The following LRP6 variants were observed in gnomAD, a reference collection of about 807,000 sequenced individuals.
LRP6 encodes LDL receptor related protein 6.
In LRP6, 43 loss-of-function variants were observed where a neutral mutation model predicts 184.1. The observed-to-expected ratio is 0.23, with a 90% confidence interval of 0.18 to 0.30. The LOEUF (loss-of-function observed/expected upper bound fraction) is 0.30, where lower values mean the gene tolerates loss of function less well. Ranked by LOEUF, LRP6 falls within the 10% of genes least tolerant of loss-of-function variation. LRP6 has a pLI of 1.00. For synonymous variants in LRP6, 719 were observed against 684.9 expected, an observed-to-expected ratio of 1.05 and a Z score of -0.78; for missense variants, 1,571 against 2,005.3, an observed-to-expected ratio of 0.78 and a Z score of 4.14.
intron 2 of LRP6, among the ~76,000 whole-genome samples, chr12:12,204,227 CGA>C (rs1863988900): frequency 7.2e-6 from 1 of 138,904 alleles, no homozygotes; most frequent in Non-Finnish European, 1.5e-5. Flanking sequence ...TGATTCAAGT[CGA>C]GAGACACTAC....
At chr12:12,124,877 A>G (rs1949652294) in intron 21 of LRP6, among the ~76,000 whole-genome samples, 5 of 152,210 alleles carry the variant, frequency 3.3e-5, no homozygotes. Flanking sequence ...CAAAGTGACA[A>G]AAACGAAAAT....
chr12:12,226,442 A>G (rs61274130), intron 2 of LRP6, among the ~76,000 whole-genome samples: 1 of 152,366 alleles, frequency 6.6e-6, no homozygotes, highest in East Asian at 1.9e-4. Context: ...ACGGGAAAAA[A>G]CAGACAACAT....
intron 15 of LRP6, among the ~76,000 whole-genome samples, chr12:12,140,486 C>A (rs1450612652): frequency 6.6e-6 from 1 of 151,760 alleles, no homozygotes; most frequent in Non-Finnish European, 1.5e-5. Flanking sequence ...AGAAACAACA[C>A]AAGAAAACAT....
chr12:12,131,877 A>T lies in LRP6; in HGVS notation c.3914T>A (p.Leu1305His), dbSNP rs2136865414. ...CASGQCIDGA[L>H]RCNGDANCQD... Reference sequence around the variant, plus strand: ...GCAGTTTGCATCTCCATTGCATCGGAGGGCACCATCAATACACTGCCCACT... The same window carrying T: ...GCAGTTTGCATCTCCATTGCATCGGTGGGCACCATCAATACACTGCCCACT... The change falls in exon 18 of 23, where the codon CTC (leucine) becomes CAC (histidine). Residue 1305 changes from leucine (L) to histidine (H), a missense_variant. Coordinates refer to ENST00000261349, the MANE Select transcript of LRP6 (RefSeq NM_002336.3). The T allele has an allele frequency of 6.2e-7, 1 of 1,614,208 alleles. No homozygotes were observed. The highest frequency in any genetic ancestry group is 1.6e-4 in the Middle Eastern group (1 of 6,062).
intron 8 of LRP6, 122 bp downstream of exon 8, chr12:12,164,952 AAAAGG>A: frequency 1.8e-6 from 1 of 556,890 alleles, no homozygotes; most frequent in Non-Finnish European, 3.1e-6. Flanking sequence ...AAAAAAAAAA[AAAAGG>A]CGGGGGGGCA....
chr12:12,190,041 C>T (rs1367152257), intron 3 of LRP6, among the ~76,000 whole-genome samples: 7 of 152,162 alleles, frequency 4.6e-5, no homozygotes, highest in Non-Finnish European at 1.5e-5. Context: ...TTACTAAACA[C>T]TCTGGGGATG....
At chr12:12,163,694 T>G (rs754861095) in intron 9 of LRP6, among the ~76,000 whole-genome samples, 2 of 152,196 alleles carry the variant, frequency 1.3e-5, no homozygotes, top group Admixed American at 6.5e-5. Flanking sequence ...CTTACTCAGC[T>G]AATTGCAGAA....
At position 12,121,266 on chromosome 12, in the gene LRP6, G is replaced by A. The variant is rs1949601103; in HGVS notation, c.4702C>T (p.Pro1568Ser). 2 of 1,614,064 alleles carry A rather than the reference G, an allele frequency of 1.2e-6. No homozygotes were observed. Among genetic ancestry groups the A allele is most frequent in the Non-Finnish European group, 1.7e-6 (2 of 1,180,018 alleles). ...TGGCTTCGGGGTGTGGGAGGTGGGG[G>A]CACAGGTTCTGAATCATAGTTCAAG... The part of the protein sequence containing the change: ...SDLNYDSEPV[P>S]PPPTPRSQYL... The change falls in exon 23 of 23, where the codon CCC becomes TCC. Residue 1568 changes from proline (P) to serine (S), a missense_variant. Physicochemically the swap from Pro to Ser is moderately conservative, Grantham distance 74. Transcript: ENST00000261349.
At position 12,120,042 on chromosome 12, in the gene LRP6, T is replaced by TATAA. The variant is rs1353537300; in HGVS notation, c.*1083_*1084insTTAT. 2.3e-4 allele frequency: 26 copies of TATAA among 110,816 alleles called. No individual in the cohort carries two copies. The highest frequency in any genetic ancestry group is 9.2e-4 in the African/African-American group (26 of 28,266). The allele number at this position is 110,816 out of a possible 1,614,324, so 6.9% of individuals were successfully genotyped here. A position where few individuals can be genotyped will look rare whatever the true frequency, so the allele number is the denominator to read the frequency against. ...ATATATATATATATATATATATATATAAATGATTTCGTACTGTGATATATG... is the reference window on the plus strand; with the variant it reads ...ATATATATATATATATATATATATATATAAAAATGATTTCGTACTGTGATATATG... On this transcript the variant is annotated 3_prime_UTR_variant, in exon 23 of 23. Transcript: ENST00000261349.
At chr12:12,266,554 C>T in intron 1 of LRP6, 127 bp downstream of exon 1, 1 of 833,126 alleles carries the variant, frequency 1.2e-6, no homozygotes, top group South Asian at 1.7e-5. Context: ...CCCCTCCCCA[C>T]GACCAGGCCT....
At chr12:12,249,591 TC>T (rs1865271705) in intron 1 of LRP6, among the ~76,000 whole-genome samples, 1 of 151,938 alleles carries the variant, frequency 6.6e-6, no homozygotes, top group African/African-American at 2.4e-5. Flanking sequence ...GAAAGGAAGC[TC>T]CCATTCAAAG....
intron 2 of LRP6, among the ~76,000 whole-genome samples, chr12:12,235,422 A>G (rs77588531): frequency 6.6e-6 from 1 of 152,162 alleles, no homozygotes; most frequent in South Asian, 2.1e-4. Context: ...GAGAGGTACT[A>G]AACTAAATAC....
intron 12 of LRP6, chr12:12,155,805 G>GT: frequency 1.5e-6 from 1 of 648,152 alleles, no homozygotes; most frequent in South Asian, 1.7e-5. Flanking sequence ...CTTCTGGACT[G>GT]TTAAAAAAAA....
At chr12:12,169,581 C>T (rs1448291131) in intron 7 of LRP6, among the ~76,000 whole-genome samples, 1 of 152,070 alleles carries the variant, frequency 6.6e-6, no homozygotes, top group Non-Finnish European at 1.5e-5. Context: ...AGACCACGAT[C>T]AAAGTATTAA....
intron 3 of LRP6, 184 bp from the exon 4 acceptor site, chr12:12,187,303 A>G: frequency 1.6e-6 from 1 of 621,208 alleles, no homozygotes. Flanking sequence ...TATATTTTTA[A>G]GGTGTCCAAA....
At chr12:12,256,088 G>C (rs928620408) in intron 1 of LRP6, among the ~76,000 whole-genome samples, 3 of 152,112 alleles carry the variant, frequency 2.0e-5, no homozygotes, top group African/African-American at 4.8e-5. Flanking sequence ...TCATCTTTCT[G>C]ATTTATAAAA....
intron 1 of LRP6, among the ~76,000 whole-genome samples, chr12:12,251,064 G>A (rs901340949): frequency 1.3e-5 from 2 of 151,986 alleles, no homozygotes; most frequent in African/African-American, 4.8e-5. Flanking sequence ...CCTCGTAGGT[G>A]GGATTACAGG....
rs1395962487 is a variant in LRP6, at chr12:12,120,930, T to C, written c.*196A>G. On this transcript the variant is annotated 3_prime_UTR_variant, in exon 23 of 23. Transcript: ENST00000261349. Reference sequence around the variant, plus strand: ...ACTTTTATGGCACAAGCAGCAAATCTGCTGTTTTAAGAAAATATATAAATA... The same window carrying C: ...ACTTTTATGGCACAAGCAGCAAATCCGCTGTTTTAAGAAAATATATAAATA... 2.2e-6 allele frequency: 1 copy of C among 464,352 alleles called. No individual in the cohort carries two copies. Among genetic ancestry groups the C allele is most frequent in the Non-Finnish European group, 3.7e-6 (1 of 272,904 alleles). The allele number at this position is 464,352 out of a possible 1,614,324, so 28.8% of individuals were successfully genotyped here.
rs770488820 is a variant in LRP6 at position 12,266,925 on chromosome 12, G to C, written c.-190C>G. On this transcript the variant is annotated 5_prime_UTR_variant, in exon 1 of 23. Coordinates refer to ENST00000261349, the MANE Select transcript of LRP6 (RefSeq NM_002336.3). ...CGCCGCCCTCTCTACCGCGCCGCTC[G>C]GCCCCGGGCTCGCGCGACGCCAGCG... is the stretch of plus-strand genomic sequence containing the variant. The C allele has an allele frequency of 1.2e-5, 7 of 603,474 alleles. No individual in the cohort carries two copies. Among genetic ancestry groups the C allele is most frequent in the Admixed American group, 3.1e-5 (1 of 32,696 alleles). 37.4% of individuals were successfully genotyped at this position (603,474 alleles called of 1,614,324 possible).
Sources: gnomAD v4.1 joint callset for allele counts (sites outside exome capture counted in the v4.1 genomes callset) on GRCh38, gnomAD v4.1.1 for gene constraint, MANE v1.5 for transcripts, NCBI Gene and HGNC (gene_info 2026-07-23, HGNC 2026-07-21) for gene names.